The following EDARADD variants were observed in gnomAD, a reference collection of about 807,000 sequenced individuals.
EDARADD encodes EDAR associated via death domain, also known as ectodysplasin-A receptor-associated adapter protein.
Under a neutral mutation model 25.6 loss-of-function variants are expected in EDARADD, and 20 were observed. That is an observed-to-expected ratio of 0.78 (90% confidence interval 0.55 to 1.14). The LOEUF (loss-of-function observed/expected upper bound fraction) is 1.14. Among genes scored for constraint, EDARADD ranks in the 50% most tolerant of loss-of-function variants. The pLI, the probability that EDARADD is intolerant of heterozygous loss-of-function variation, is 0.00. For synonymous variants in EDARADD, 86 were observed against 94.4 expected (o/e 0.91, Z 0.52); for missense variants, 225 against 270.1 (o/e 0.83, Z 1.17).
chr1:236,395,907 G>T lies in EDARADD; in HGVS notation c.61+1402G>T, dbSNP rs1316473304. On this transcript the variant is annotated intron_variant, in intron 1 of 5. Coordinates refer to ENST00000334232, the MANE Select transcript of EDARADD (RefSeq NM_145861.4). The surrounding 1 kb of genome is among the most constrained non-coding windows in gnomAD (Gnocchi z 6.9). ...GCCCCTGCCCCGCGTCAGCCACCGC[G>T]CGCCTTCCCCCTGCCCATGCCGCAG... Among the ~76,000 whole-genome samples, 1 of 152,170 alleles carries T rather than the reference G, an allele frequency of 6.6e-6. No homozygotes were observed. Among genetic ancestry groups the T allele is most frequent in the Non-Finnish European group, 1.5e-5 (1 of 68,034 alleles).
chr1:236,399,072 G>C (rs765214481), intron 1 of EDARADD, among the ~76,000 whole-genome samples: 2 of 152,174 alleles, frequency 1.3e-5, no homozygotes, highest in Admixed American at 1.3e-4. Context: ...CGAGTTAGCC[G>C]TATTAACTAA....
chr1:236,391,103 C>T (rs528003981), upstream of EDARADD, among the ~76,000 whole-genome samples: 5 of 152,204 alleles, frequency 3.3e-5, no homozygotes, highest in African/African-American at 1.2e-4. Context: ...CCTGCCACCA[C>T]GCCCAGCTTG....
intron 5 of EDARADD, among the ~76,000 whole-genome samples, chr1:236,470,323 C>T (rs1008090599): frequency 6.6e-5 from 10 of 152,108 alleles, no homozygotes; most frequent in African/African-American, 1.9e-4. Context: ...ATATGCTCAT[C>T]TGAATTTTCA....
chr1:236,399,001 C>G (rs1667567925), intron 1 of EDARADD, among the ~76,000 whole-genome samples: 1 of 152,100 alleles, frequency 6.6e-6, no homozygotes, highest in African/African-American at 2.4e-5. Flanking sequence ...ACCACAGGCT[C>G]TTTAAAGAGT....
chr1:236,428,607 C>T (rs1482592315), intron 4 of EDARADD, among the ~76,000 whole-genome samples: 1 of 151,726 alleles, frequency 6.6e-6, no homozygotes, highest in East Asian at 1.9e-4. Context: ...CTCCCCACAT[C>T]CCAGACATGG....
At chr1:236,391,091 C>T (rs571705685), upstream of EDARADD, among the ~76,000 whole-genome samples, 17 of 152,188 alleles carry the variant, frequency 1.1e-4, no homozygotes, top group South Asian at 1.0e-3. Context: ...AGAGTACAGG[C>T]GCCTGCCACC....
intron 3 of EDARADD, among the ~76,000 whole-genome samples, chr1:236,361,252 A>G (rs1042652342): frequency 9.2e-5 from 14 of 152,140 alleles, no homozygotes; most frequent in African/African-American, 2.7e-4. Context: ...TCCTTAAGCA[A>G]CAATGATCTA....
intron 2 of EDARADD, among the ~76,000 whole-genome samples, chr1:236,412,963 G>T (rs1466216448): frequency 2.0e-4 from 30 of 152,176 alleles, no homozygotes; most frequent in Non-Finnish European, 5.9e-5. Context: ...CCGCCTCCTG[G>T]GGCAATTCTC....
intron 5 of EDARADD, among the ~76,000 whole-genome samples, chr1:236,478,393 T>TTATA (rs1167423907): frequency 7.8e-6 from 1 of 128,846 alleles, no homozygotes; most frequent in Middle Eastern, 4.1e-3. Context: ...GTGTATGGAT[T>TTATA]TATATATATA....
intron 4 of EDARADD, among the ~76,000 whole-genome samples, chr1:236,456,721 C>T (rs939599652): frequency 1.1e-5 from 1 of 88,238 alleles, no homozygotes; most frequent in Non-Finnish European, 2.5e-5. Context: ...TCCCCTCCCC[C>T]CTCCCCCTCA....
chr1:236,436,592 AC>A (rs1658258076), intron 4 of EDARADD, among the ~76,000 whole-genome samples: 1 of 131,336 alleles, frequency 7.6e-6, no homozygotes, highest in African/African-American at 2.9e-5. Flanking sequence ...GTGCTACTGC[AC>A]TCCAGCATGG....
intron 1 of EDARADD, among the ~76,000 whole-genome samples, chr1:236,407,462 G>A (rs905344142): frequency 6.7e-6 from 1 of 150,348 alleles, no homozygotes; most frequent in African/African-American, 2.5e-5. Context: ...CACCTGCAGG[G>A]CAAAGAAACT....
chr1:236,378,815 T>C (rs972799007), intron 3 of EDARADD, among the ~76,000 whole-genome samples: 9 of 152,178 alleles, frequency 5.9e-5, no homozygotes, highest in Admixed American at 3.9e-4. Context: ...TCAGCTAAAA[T>C]GATCATCTTG....
intron 1 of EDARADD, among the ~76,000 whole-genome samples, chr1:236,403,718 G>A (rs901160576): frequency 2.0e-5 from 3 of 152,180 alleles, no homozygotes; most frequent in African/African-American, 7.2e-5. Context: ...CACCTCCTGA[G>A]ATTTAAGTTG....
chr1:236,360,075 G>T (rs551132004), intron 3 of EDARADD, among the ~76,000 whole-genome samples: 6 of 152,232 alleles, frequency 3.9e-5, no homozygotes, highest in African/African-American at 1.4e-4. Flanking sequence ...ACCACTTTGG[G>T]AGGCTGAGGC....
chr1:236,474,927 G>A (rs773394935), intron 5 of EDARADD, among the ~76,000 whole-genome samples: 9 of 152,166 alleles, frequency 5.9e-5, no homozygotes, highest in Non-Finnish European at 1.3e-4. Flanking sequence ...GAGGATGGGC[G>A]TTGGAGACCA....
chr1:236,389,979 T>C (rs1254685884), upstream of EDARADD, among the ~76,000 whole-genome samples: 1 of 152,098 alleles, frequency 6.6e-6, no homozygotes, highest in Non-Finnish European at 1.5e-5. Flanking sequence ...CACTACACTT[T>C]GCACTCCAGC....
intron 5 of EDARADD, among the ~76,000 whole-genome samples, chr1:236,475,647 T>G (rs1571958503): frequency 1.3e-5 from 2 of 151,394 alleles, no homozygotes; most frequent in African/African-American, 4.8e-5. Context: ...GCCTCTAATC[T>G]CAGCTACTCG....
chr1:236,393,345 TATCGGGAA>T (rs1477926377), upstream of EDARADD, among the ~76,000 whole-genome samples: 2 of 151,686 alleles, frequency 1.3e-5, no homozygotes, highest in Non-Finnish European at 2.9e-5. Context: ...GTTTGGGTAC[TATCGGGAA>T]ATGTTAAAAA....
Sources: allele counts gnomAD v4.1 joint callset (sites outside exome capture counted in the v4.1 genomes callset), GRCh38; gene constraint gnomAD v4.1.1; non-coding constraint Gnocchi (gnomAD v3.1); transcripts MANE v1.5; gene names NCBI Gene and HGNC (gene_info 2026-07-23, HGNC 2026-07-21).